PKNOX2: variants seen among roughly 807,000 people sequenced by gnomAD.
PKNOX2 encodes PBX/knotted 1 homeobox 2, also known as homeobox protein PKNOX2.
In PKNOX2, 14 loss-of-function variants were observed where a neutral mutation model predicts 53.1. The ratio of observed to expected loss-of-function variants is 0.26; its 90% confidence interval spans 0.17 to 0.41. The LOEUF is 0.41. PKNOX2 is among the 10% of genes least tolerant of loss of function. The probability of loss-of-function intolerance (pLI) is 1.00; values close to 1 mark genes in which losing one functional copy is unlikely to be tolerated. For missense variants in PKNOX2, 496 were observed against 602.8 expected (o/e 0.82, Z 1.85); for synonymous variants, 257 against 242.8 (o/e 1.06, Z -0.54).
At chr11:125,167,951 TTC>T (rs1344238218) in intron 1 of PKNOX2, among the ~76,000 whole-genome samples, 1 of 152,256 alleles carries the variant, frequency 6.6e-6, no homozygotes, top group Non-Finnish European at 1.5e-5. Context: ...CATCTGTTCA[TTC>T]TCGTGTTGCC....
chr11:125,212,587 G>A (rs932999914), intron 1 of PKNOX2, among the ~76,000 whole-genome samples: 2 of 151,024 alleles, frequency 1.3e-5, no homozygotes, highest in African/African-American at 4.9e-5. Flanking sequence ...TAAAGAGCCT[G>A]TCAGAGCTCG....
At chr11:125,278,639 A>G (rs1208253580) in intron 2 of PKNOX2, among the ~76,000 whole-genome samples, 3 of 152,136 alleles carry the variant, frequency 2.0e-5, no homozygotes, top group Non-Finnish European at 4.4e-5. Flanking sequence ...GGAGGGGCCG[A>G]CTTGCTGGAT....
chr11:125,372,410 T>C (rs1952609042), intron 5 of PKNOX2, among the ~76,000 whole-genome samples: 1 of 152,230 alleles, frequency 6.6e-6, no homozygotes, highest in African/African-American at 2.4e-5. Flanking sequence ...GCCAGTTCTT[T>C]AGAATGGTGT....
At chr11:125,229,119 C>T (rs981344397) in intron 1 of PKNOX2, among the ~76,000 whole-genome samples, 1 of 152,202 alleles carries the variant, frequency 6.6e-6, no homozygotes, top group Admixed American at 6.5e-5. Context: ...TTGGCATTTC[C>T]TGGCCCTCCT....
chr11:125,202,736 G>A (rs1281669116), intron 1 of PKNOX2, among the ~76,000 whole-genome samples: 2 of 152,130 alleles, frequency 1.3e-5, no homozygotes, highest in African/African-American at 2.4e-5. Context: ...GGAGGGGTGA[G>A]TGCTCTGGGA....
At chr11:125,389,942 G>T (rs946030501) in intron 6 of PKNOX2, among the ~76,000 whole-genome samples, 4 of 152,178 alleles carry the variant, frequency 2.6e-5, no homozygotes, top group Admixed American at 2.0e-4. Context: ...AAGAGGCAGG[G>T]CCAGAGGCGG....
intron 2 of PKNOX2, among the ~76,000 whole-genome samples, chr11:125,244,221 A>G (rs1943386798): frequency 6.6e-6 from 1 of 152,216 alleles, no homozygotes; most frequent in Non-Finnish European, 1.5e-5. Context: ...AGCAAGGCTG[A>G]TCTTCCTTGG....
chr11:125,315,982 T>C (rs1290532273), intron 2 of PKNOX2, among the ~76,000 whole-genome samples: 2 of 152,196 alleles, frequency 1.3e-5, no homozygotes, highest in Non-Finnish European at 2.9e-5. Context: ...GCACAGTCTC[T>C]GTCCTCAAGG....
intron 2 of PKNOX2, among the ~76,000 whole-genome samples, chr11:125,242,783 G>A (rs939011641): frequency 3.3e-5 from 5 of 152,066 alleles, no homozygotes; most frequent in Non-Finnish European, 4.4e-5. Flanking sequence ...GTCGGGGCAC[G>A]TCTGTCCATG....
intron 5 of PKNOX2, among the ~76,000 whole-genome samples, chr11:125,380,302 T>TTATTTG (rs781563131): frequency 6.6e-6 from 1 of 152,210 alleles, no homozygotes; most frequent in African/African-American, 2.4e-5. Flanking sequence ...TTCACTCCTT[T>TTATTTG]TATTTGTTCT....
intron 2 of PKNOX2, among the ~76,000 whole-genome samples, chr11:125,290,277 G>C (rs1194356949): frequency 1.3e-5 from 2 of 152,340 alleles, no homozygotes; most frequent in East Asian, 3.9e-4. Flanking sequence ...CCCAGCTACT[G>C]GTGGAGCGGA....
chr11:125,402,523 C>T (rs559323585), intron 7 of PKNOX2, among the ~76,000 whole-genome samples: 5 of 152,256 alleles, frequency 3.3e-5, no homozygotes, highest in East Asian at 3.9e-4. Flanking sequence ...AATTGCCAAG[C>T]GTTTGGGGGG....
chr11:125,174,665 C>A (rs1955573390), intron 1 of PKNOX2, among the ~76,000 whole-genome samples: 1 of 152,198 alleles, frequency 6.6e-6, no homozygotes, highest in South Asian at 2.1e-4. Flanking sequence ...AGGTAGCTGG[C>A]CTCATTTATT....
chr11:125,294,679 C>G (rs759754528), intron 2 of PKNOX2, among the ~76,000 whole-genome samples: 12 of 152,202 alleles, frequency 7.9e-5, no homozygotes, highest in Non-Finnish European at 1.5e-4. Context: ...TGGGCATCAG[C>G]CCCCAGTCTG....
intron 4 of PKNOX2, among the ~76,000 whole-genome samples, chr11:125,366,371 G>A (rs1354020076): frequency 6.6e-6 from 1 of 152,080 alleles, no homozygotes; most frequent in Admixed American, 6.5e-5. Flanking sequence ...AGGAAAGCAG[G>A]TACATTTCTT....
At chr11:125,431,081 C>T in intron 12 of PKNOX2, 85 bp from the exon 13 acceptor site, 5 of 1,514,010 alleles carry the variant, frequency 3.3e-6, no homozygotes, top group Middle Eastern at 1.7e-4. Context: ...CTCTATGAGC[C>T]AGTCCATTAA....
At chr11:125,366,686 A>T (rs1045801588) in intron 4 of PKNOX2, among the ~76,000 whole-genome samples, 9 of 152,270 alleles carry the variant, frequency 5.9e-5, no homozygotes, top group Non-Finnish European at 1.0e-4. Context: ...GAAGACATGC[A>T]AATGTCTTGG....
chr11:125,210,043 G>A (rs994632285), intron 1 of PKNOX2, among the ~76,000 whole-genome samples: 1 of 152,100 alleles, frequency 6.6e-6, no homozygotes, highest in African/African-American at 2.4e-5. Context: ...ACTGAGCCCT[G>A]GACAGGTCAT....
At position 125,276,720 on chromosome 11, in the gene PKNOX2, C is replaced by T. The variant is rs186362564; in HGVS notation, c.-130+41605C>T. On this transcript the variant is annotated intron_variant, in intron 2 of 12. Coordinates refer to ENST00000298282, the MANE Select transcript of PKNOX2 (RefSeq NM_001382323.2). The stretch of plus-strand genomic sequence containing the variant: ...GGAGAGAAGGAAGTATGAGGTTTCC[C>T]CAGAGACTGGGAAATTGAATTTTCT... Among the ~76,000 whole-genome samples the T allele has an allele frequency of 2.3e-4, 35 of 152,092 alleles. 1 individual carries two copies. The highest frequency in any genetic ancestry group is 2.0e-3 in the Admixed American group (31 of 15,274).
Sources: gnomAD v4.1 joint callset for allele counts (sites outside exome capture counted in the v4.1 genomes callset) on GRCh38, gnomAD v4.1.1 for gene constraint, MANE v1.5 for transcripts, NCBI Gene and HGNC (gene_info 2026-07-23, HGNC 2026-07-21) for gene names.